TMEM132B: variants seen among roughly 807,000 people sequenced by gnomAD.
TMEM132B encodes transmembrane protein 132B.
Under a neutral mutation model 90.8 loss-of-function variants are expected in TMEM132B, and 18 were observed. The observed-to-expected ratio is 0.20, with a 90% CI of 0.14 to 0.29. TMEM132B has a LOEUF of 0.29. Among genes scored for constraint, TMEM132B ranks in the 10% least tolerant of loss-of-function variants. TMEM132B has a pLI of 1.00. For synonymous variants in TMEM132B, 504 were observed against 523.3 expected (o/e 0.96, Z 0.50); for missense variants, 1,096 against 1,326.8 (o/e 0.83, Z 2.70).
chr12:125,627,519 GTTTTTTAACAT>G (rs1378154766), intron 5 of TMEM132B, among the ~76,000 whole-genome samples: 1 of 150,010 alleles, frequency 6.7e-6, no homozygotes, highest in African/African-American at 2.4e-5. Flanking sequence ...AAGTTTGAGG[GTTTTTTAACAT>G]TTTTTTAATT....
At chr12:125,510,401 T>C (rs1219945996) in intron 3 of TMEM132B, among the ~76,000 whole-genome samples, 1 of 152,154 alleles carries the variant, frequency 6.6e-6, no homozygotes, top group East Asian at 1.9e-4. Context: ...TTTTCCTGTG[T>C]TTGGGAAGTG....
intron 4 of TMEM132B, among the ~76,000 whole-genome samples, chr12:125,522,809 C>T (rs2136669456): frequency 6.6e-6 from 1 of 152,334 alleles, no homozygotes; most frequent in East Asian, 1.9e-4. Context: ...CCTTTCCTCC[C>T]AAACTGTCTC....
chr12:125,344,428 G>C (rs1380062821), intron 1 of TMEM132B, among the ~76,000 whole-genome samples: 1 of 152,206 alleles, frequency 6.6e-6, no homozygotes, highest in Non-Finnish European at 1.5e-5. Context: ...GAGGGAAAAG[G>C]GGAAGAGGTT....
intron 2 of TMEM132B, among the ~76,000 whole-genome samples, chr12:125,350,843 G>A (rs1476941535): frequency 6.6e-6 from 1 of 152,224 alleles, no homozygotes; most frequent in African/African-American, 2.4e-5. Flanking sequence ...CTGTAGGAAA[G>A]GGAGGTCAGG....
intron 1 of TMEM132B, among the ~76,000 whole-genome samples, chr12:125,238,549 A>G (rs1268461823): frequency 6.6e-6 from 1 of 152,120 alleles, no homozygotes; most frequent in Non-Finnish European, 1.5e-5. Context: ...TGTTTATTGC[A>G]GTGCATTCAG....
intron 2 of TMEM132B, among the ~76,000 whole-genome samples, chr12:125,366,100 A>G (rs1001469299): frequency 6.6e-6 from 1 of 151,568 alleles, no homozygotes; most frequent in Non-Finnish European, 1.5e-5. Flanking sequence ...AAGCTGTCAT[A>G]TGTTAGTGAG....
At chr12:125,416,621 C>T (rs1198934157) in intron 3 of TMEM132B, among the ~76,000 whole-genome samples, 2 of 152,232 alleles carry the variant, frequency 1.3e-5, no homozygotes, top group Non-Finnish European at 2.9e-5. Context: ...CTGGCAAGCG[C>T]TGTCTCTTCT....
chr12:125,545,361 A>G (rs1420637149), intron 4 of TMEM132B, among the ~76,000 whole-genome samples: 1 of 152,192 alleles, frequency 6.6e-6, no homozygotes, highest in African/African-American at 2.4e-5. Context: ...ATCATTTAGG[A>G]TACATCCTTA....
chr12:125,616,518 C>T (rs1421437199), intron 5 of TMEM132B, among the ~76,000 whole-genome samples: 4 of 152,084 alleles, frequency 2.6e-5, no homozygotes, highest in African/African-American at 9.7e-5. Flanking sequence ...TCGATCTGCA[C>T]AAGGGAGGGT....
rs1879317457 is a variant in TMEM132B, at chr12:125,401,387, G to A, written c.960-14144G>A. 4.6e-5 allele frequency among the ~76,000 whole-genome samples: 7 copies of A among 152,280 alleles called. No homozygotes were observed. The South Asian group carries it at 1.5e-3, about 32-fold the overall frequency. On this transcript the variant is annotated intron_variant, in intron 2 of 8. Coordinates refer to ENST00000682704, the MANE Select transcript of TMEM132B (RefSeq NM_001366854.1). ...AAGTGTATATTGGGTACGGTTTAGT[G>A]CTAAGGAGAAAAATAAAGCAGGAGA...
chr12:125,318,522 C>T (rs1876345224), intron 1 of TMEM132B, among the ~76,000 whole-genome samples: 1 of 152,120 alleles, frequency 6.6e-6, no homozygotes. Context: ...CCTTCCCACC[C>T]CCACCCTGAC....
chr12:125,351,369 C>T (rs555310720), intron 2 of TMEM132B, among the ~76,000 whole-genome samples: 5 of 152,088 alleles, frequency 3.3e-5, no homozygotes, highest in Non-Finnish European at 5.9e-5. Flanking sequence ...CTAAAGTCTA[C>T]AGGAATTCAC....
At chr12:125,494,050 C>T (rs1882437548) in intron 3 of TMEM132B, among the ~76,000 whole-genome samples, 2 of 147,356 alleles carry the variant, frequency 1.4e-5, no homozygotes, top group African/African-American at 2.5e-5. Flanking sequence ...CCCTCCTCCC[C>T]CTCCTCCCTG....
chr12:125,273,535 C>T (rs1874904685), intron 1 of TMEM132B, among the ~76,000 whole-genome samples: 3 of 152,142 alleles, frequency 2.0e-5, no homozygotes, highest in South Asian at 4.1e-4. Context: ...TGCAGTGATC[C>T]GTGATCAAAA....
chr12:125,543,462 A>G (rs1328913305), intron 4 of TMEM132B, among the ~76,000 whole-genome samples: 1 of 152,244 alleles, frequency 6.6e-6, no homozygotes, highest in Non-Finnish European at 1.5e-5. Context: ...CAGGATATGA[A>G]TAGGTATATG....
At chr12:125,196,873 G>C (rs1412300529) in intron 1 of TMEM132B, among the ~76,000 whole-genome samples, 2 of 152,126 alleles carry the variant, frequency 1.3e-5, no homozygotes, top group East Asian at 3.9e-4. Flanking sequence ...ACGCGACCAG[G>C]GCTCAGTTAT....
chr12:125,507,648 G>A (rs1882879383), intron 3 of TMEM132B, among the ~76,000 whole-genome samples: 1 of 152,164 alleles, frequency 6.6e-6, no homozygotes, highest in Non-Finnish European at 1.5e-5. Context: ...AACAGTAAAG[G>A]TGCCGTTGTG....
At chr12:125,323,996 C>T (rs1876494776) in intron 1 of TMEM132B, among the ~76,000 whole-genome samples, 1 of 152,064 alleles carries the variant, frequency 6.6e-6, no homozygotes, top group Non-Finnish European at 1.5e-5. Flanking sequence ...GAAACAAACC[C>T]CCCAACCGTG....
intron 4 of TMEM132B, among the ~76,000 whole-genome samples, chr12:125,536,693 C>T (rs530011658): frequency 6.4e-4 from 97 of 152,262 alleles, no homozygotes; most frequent in Non-Finnish European, 1.1e-3. Context: ...TTGAAAATAA[C>T]CAAATCACGC....
Sources: allele counts gnomAD v4.1 joint callset (sites outside exome capture counted in the v4.1 genomes callset), GRCh38; gene constraint gnomAD v4.1.1; transcripts MANE v1.5; gene names NCBI Gene and HGNC (gene_info 2026-07-23, HGNC 2026-07-21).